Variants in XDH observed in about 807,000 individuals in gnomAD.
The protein encoded by XDH is xanthine dehydrogenase, also known as xanthine dehydrogenase/oxidase.
XDH carries 138 observed loss-of-function variants against 156.1 expected under a neutral mutation model. The observed-to-expected ratio is 0.88, with a 90% CI of 0.77 to 1.02. The LOEUF is 1.02. Ranked by LOEUF, XDH falls within the 50% of genes least tolerant of loss-of-function variation. The pLI is 0.00. For missense variants in XDH, 1,849 were observed against 1,684.9 expected (o/e 1.10, Z -1.71); for synonymous variants, 669 against 625.7 (o/e 1.07, Z -1.03).
chr2:31,375,508 C>T lies in XDH; in HGVS notation c.1474G>A (p.Glu492Lys). 2 of 1,614,088 alleles carry T rather than the reference C, an allele frequency of 1.2e-6. No homozygotes were observed. The highest frequency in any genetic ancestry group is 2.2e-5 in the South Asian group (2 of 91,080). The change falls in exon 15 of 36, where the codon GAG becomes AAG. Residue 492 changes from glutamate (E) to lysine (K), a missense_variant. By Grantham distance (56) the Glu-to-Lys change is moderately conservative. Coordinates refer to ENST00000379416, the MANE Select transcript of XDH (RefSeq NM_000379.4). ...GCATCGGGAGGCAGATGCAGCTCCT[C>T]TGCCAGTCCTGCACACACGTCCTGC... ...LLQDVCAGLA[E>K]ELHLPPDAPG... is the part of the protein sequence containing the mutation.
chr2:31,342,293 G>A lies in XDH; in HGVS notation c.3409C>T (p.Pro1137Ser). ...SLSATGFYRTPNLGYSFETNS... is the reference protein window; with the variant it reads ...SLSATGFYRTSNLGYSFETNS... The stretch of plus-strand genomic sequence containing the variant: ...GTCTCAAAGCTGTAGCCCAGATTGG[G>A]TGTTCTGGGAGAGGAAAGAGAAGGT... Residue 1137 changes from proline (P) to serine (S), a missense_variant, in exon 32 of 36, where the codon CCC (proline) becomes TCC (serine). Coordinates refer to ENST00000379416, the MANE Select transcript of XDH (RefSeq NM_000379.4). 6.2e-7 allele frequency: 1 copy of A among 1,613,700 alleles called. No individual in the cohort carries two copies.
intron 33 of XDH, 123 bp from the exon 34 acceptor site, chr2:31,339,800 T>A: frequency 7.9e-7 from 1 of 1,264,572 alleles, no homozygotes; most frequent in Non-Finnish European, 1.1e-6. Context: ...AAAACTGCCC[T>A]CTATTGCTTA....
chr2:31,403,244 C>T (rs1687109183), intron 2 of XDH, 100 bp from the exon 3 acceptor site: 9 of 1,297,598 alleles, frequency 6.9e-6, no homozygotes, highest in Non-Finnish European at 8.6e-6. Flanking sequence ...CATTCATTCC[C>T]ACACGTGCTC....
At chr2:31,359,134 G>C (rs939375937) in intron 24 of XDH, among the ~76,000 whole-genome samples, 2 of 152,038 alleles carry the variant, frequency 1.3e-5, no homozygotes, top group African/African-American at 4.8e-5. Context: ...AGTGGGTAAA[G>C]ACAGACAATA....
chr2:31,399,543 G>T (rs1224159680), intron 4 of XDH, among the ~76,000 whole-genome samples: 1 of 152,192 alleles, frequency 6.6e-6, no homozygotes, highest in African/African-American at 2.4e-5. Context: ...GGATAGGGAG[G>T]ATTTTAGGTT....
intron 9 of XDH, chr2:31,384,191 G>T (rs1686521228): frequency 3.1e-6 from 1 of 320,500 alleles, no homozygotes; most frequent in African/African-American, 2.2e-5. Flanking sequence ...ATTAAGGTAT[G>T]TCAGGAACCC....
At chr2:31,381,419 C>A (rs1300920123) in intron 12 of XDH, among the ~76,000 whole-genome samples, 1 of 152,214 alleles carries the variant, frequency 6.6e-6, no homozygotes, top group Non-Finnish European at 1.5e-5. Flanking sequence ...GTAAGGCATG[C>A]AGGTAGCAGT....
Position 31,403,146 on chromosome 2 carries a change from TG to T in XDH, c.101-3del. On this transcript the variant is annotated splice_region_variant and splice_polypyrimidine_tract_variant and intron_variant, in intron 2 of 35. Transcript: ENST00000379416. ...CGAGCTTGGTTCCACTCAGCCCCAC[TG>T]GGTGGTCAAGAGTTAAGGAGAATGA... The T allele has an allele frequency of 6.2e-7, 1 of 1,614,046 alleles. No homozygotes were observed. The highest frequency in any genetic ancestry group is 1.1e-5 in the South Asian group (1 of 91,072).
rs770012243 is a variant in XDH, at chr2:31,386,482, A to C, written c.725T>G (p.Leu242Arg). 30 of 1,613,906 alleles carry C rather than the reference A, an allele frequency of 1.9e-5. No individual in the cohort carries two copies. Among genetic ancestry groups the C allele is most frequent in the African/African-American group, 2.7e-5 (2 of 74,876 alleles). ...AGCCTTGAGGTCCAGCAGCTCCTTG[A>C]GGGTTGAGGCCTGTATCCACGTCAC... ...ERVTWIQASTLKELLDLKAQH... is the reference protein window; with the variant it reads ...ERVTWIQASTRKELLDLKAQH... The change falls in exon 9 of 36, where the codon CTC (leucine) becomes CGC (arginine). Residue 242 changes from leucine to arginine, a missense_variant. Leu to Arg is a moderately radical substitution (Grantham distance 102, BLOSUM62 -2). Transcript: ENST00000379416.
At chr2:31,364,377 A>T in intron 23 of XDH, 133 bp from the exon 24 acceptor site, 1 of 914,040 alleles carries the variant, frequency 1.1e-6, no homozygotes, top group East Asian at 2.5e-5. Context: ...CCGTGAAAAA[A>T]AGGTGACCTT....
chr2:31,386,465 G>T lies in XDH; in HGVS notation c.742C>A (p.Leu248Ile). 6.2e-7 allele frequency: 1 copy of T among 1,614,024 alleles called. No individual in the cohort carries two copies. Among genetic ancestry groups the T allele is most frequent in the Non-Finnish European group, 8.5e-7 (1 of 1,180,024 alleles). The change falls in exon 9 of 36, where the codon CTC becomes ATC. Residue 248 changes from leucine (L) to isoleucine (I), a missense_variant. Coordinates refer to ENST00000379416, the MANE Select transcript of XDH (RefSeq NM_000379.4). ...TTGGCGTCAGGGTGCTGAGCCTTGA[G>T]GTCCAGCAGCTCCTTGAGGGTTGAG... ...QASTLKELLDLKAQHPDAKLV... is the reference protein window; with the variant it reads ...QASTLKELLDIKAQHPDAKLV...
intron 1 of XDH, among the ~76,000 whole-genome samples, chr2:31,411,259 C>T (rs890739418): frequency 3.5e-5 from 5 of 143,770 alleles, no homozygotes; most frequent in African/African-American, 7.8e-5. Flanking sequence ...CCAGCCTGGG[C>T]GACACAGTGA....
chr2:31,391,087 T>G (rs1055091522), intron 6 of XDH, among the ~76,000 whole-genome samples: 4 of 152,246 alleles, frequency 2.6e-5, no homozygotes, highest in African/African-American at 9.6e-5. Flanking sequence ...CTATGTCATC[T>G]TCTAGGAGTT....
At chr2:31,339,729 C>T in intron 33 of XDH, 52 bp from the exon 34 acceptor site, 1 of 1,601,742 alleles carries the variant, frequency 6.2e-7, no homozygotes, top group Non-Finnish European at 8.5e-7. Flanking sequence ...TCCCTGAGGA[C>T]AGATACCACT....
Position 31,351,050 on chromosome 2 carries a change from A to C in XDH, c.2632-827T>G, listed in dbSNP as rs1289352366. On this transcript the variant is annotated intron_variant, in intron 24 of 35. Coordinates refer to ENST00000379416, the MANE Select transcript of XDH (RefSeq NM_000379.4). ...TATGTCTTGACTTTTTCAGTTTTAG[A>C]CTTTTAGGTTGTCTTTCTTTTATGG... is the stretch of plus-strand genomic sequence containing the variant. Among the ~76,000 whole-genome samples the C allele has an allele frequency of 2.6e-5, 4 of 152,104 alleles. No individual in the cohort carries two copies. In the East Asian group the frequency reaches 5.8e-4, roughly 22 times the overall value.
At chr2:31,405,274 A>C (rs981963424) in intron 2 of XDH, among the ~76,000 whole-genome samples, 5 of 152,076 alleles carry the variant, frequency 3.3e-5, no homozygotes, top group African/African-American at 9.7e-5. Flanking sequence ...AACTCCAATT[A>C]TTATTATCGT....
At chr2:31,388,360 C>A in intron 6 of XDH, 65 bp from the exon 7 acceptor site, 1 of 1,550,982 alleles carries the variant, frequency 6.4e-7, no homozygotes, top group Non-Finnish European at 8.9e-7. Flanking sequence ...GCTAAGGAAT[C>A]TAGATTACTA....
At chr2:31,398,895 G>A (rs551413053) in intron 4 of XDH, among the ~76,000 whole-genome samples, 196 bp from the exon 5 acceptor site, 16 of 152,306 alleles carry the variant, frequency 1.1e-4, no homozygotes, top group Non-Finnish European at 1.9e-4. Context: ...TTCTTCATCT[G>A]TATGATGAGG....
rs1241975707 is a variant in XDH at position 31,397,558 on chromosome 2, T to C, written c.495+110A>G. 11 of 1,334,180 alleles carry C rather than the reference T, an allele frequency of 8.2e-6. No individual in the cohort carries two copies. The East Asian group carries it at 2.3e-4, about 28-fold the overall frequency. 82.6% of individuals were successfully genotyped at this position (1,334,180 alleles called of 1,614,324 possible). A position where few individuals can be genotyped will look rare whatever the true frequency, so the allele number is the denominator to read the frequency against. On this transcript the variant is annotated intron_variant, in intron 6 of 35. Coordinates refer to ENST00000379416, the MANE Select transcript of XDH (RefSeq NM_000379.4). The stretch of plus-strand genomic sequence containing the variant: ...AGGGAAGACTCACTAACTGGTCATC[T>C]TATCATCATTGTTTGTAGACCAGAG...
Sources: allele counts gnomAD v4.1 joint callset (sites outside exome capture counted in the v4.1 genomes callset), GRCh38; gene constraint gnomAD v4.1.1; transcripts MANE v1.5; gene names NCBI Gene and HGNC (gene_info 2026-07-23, HGNC 2026-07-21).